SLC39A11: variants seen among roughly 807,000 people sequenced by gnomAD.
SLC39A11 encodes the protein zinc transporter ZIP11.
SLC39A11 carries 33 observed loss-of-function variants against 36.1 expected under a neutral mutation model. The observed-to-expected ratio is 0.91, with a 90% CI of 0.69 to 1.22. The LOEUF is 1.22. Among genes scored for constraint, SLC39A11 ranks in the 50% most tolerant of loss-of-function variants. The probability of loss-of-function intolerance (pLI) is 0.00; values close to 1 mark genes in which losing one functional copy is unlikely to be tolerated. For synonymous variants in SLC39A11, 166 were observed against 170.3 expected (o/e 0.97, Z 0.20); for missense variants, 432 against 430.3 (o/e 1.00, Z -0.03).
chr17:72,792,119 A>C (rs1376543357), intron 6 of SLC39A11, among the ~76,000 whole-genome samples: 1 of 152,186 alleles, frequency 6.6e-6, no homozygotes, highest in African/African-American at 2.4e-5. Flanking sequence ...AATAGTATGA[A>C]AATAGTGTGA....
At chr17:72,908,696 T>G (rs777064481) in intron 5 of SLC39A11, among the ~76,000 whole-genome samples, 1 of 152,176 alleles carries the variant, frequency 6.6e-6, no homozygotes. Flanking sequence ...GCTAGGTGCA[T>G]GCCAAATACC....
intron 7 of SLC39A11, among the ~76,000 whole-genome samples, chr17:72,672,054 C>G (rs992609042): frequency 1.3e-5 from 2 of 152,128 alleles, no homozygotes; most frequent in South Asian, 4.1e-4. Flanking sequence ...CAAACACACA[C>G]ACACACAGAT....
intron 4 of SLC39A11, among the ~76,000 whole-genome samples, chr17:72,997,948 G>A (rs531650695): frequency 3.3e-4 from 50 of 152,304 alleles, no homozygotes; most frequent in Non-Finnish European, 6.0e-4. Flanking sequence ...AGATGAAAAG[G>A]TAAAAGTTCT....
intron 5 of SLC39A11, among the ~76,000 whole-genome samples, chr17:72,944,962 G>A (rs1296231245): frequency 2.6e-5 from 4 of 152,166 alleles, no homozygotes; most frequent in African/African-American, 7.2e-5. Context: ...GGGGGGACTA[G>A]ACCATAAGGG....
intron 7 of SLC39A11, among the ~76,000 whole-genome samples, chr17:72,689,814 G>A (rs2071936588): frequency 6.6e-6 from 1 of 152,234 alleles, no homozygotes; most frequent in African/African-American, 2.4e-5. Context: ...CAGGGTGGCT[G>A]CTTATGGGTA....
chr17:72,933,967 T>A (rs6501585), intron 5 of SLC39A11, among the ~76,000 whole-genome samples: 85,928 of 151,550 alleles, frequency 0.57, 26,730 homozygotes, highest in African/African-American at 0.84. Context: ...AAGCGAAAGG[T>A]TAATTCAATG....
At chr17:72,773,840 CCACAGACAAGGAGGAACAGGGG>C (rs2076040843) in intron 6 of SLC39A11, among the ~76,000 whole-genome samples, 1 of 152,110 alleles carries the variant, frequency 6.6e-6, no homozygotes, top group African/African-American at 2.4e-5. Context: ...TCAGGCTTAG[CCACAGACAAGGAGGAACAGGGG>C]CTGAAGCGCG....
At chr17:72,909,975 A>T (rs1179035966) in intron 5 of SLC39A11, among the ~76,000 whole-genome samples, 1 of 151,054 alleles carries the variant, frequency 6.6e-6, no homozygotes, top group Non-Finnish European at 1.5e-5. Flanking sequence ...GATGGTCTCG[A>T]TCTCCTCACC....
At chr17:72,749,357 C>T (rs906134501) in intron 6 of SLC39A11, among the ~76,000 whole-genome samples, 1 of 152,164 alleles carries the variant, frequency 6.6e-6, no homozygotes, top group Non-Finnish European at 1.5e-5. Context: ...GCTTCCTCTC[C>T]CTACGTCCAA....
intron 4 of SLC39A11, among the ~76,000 whole-genome samples, chr17:72,951,258 T>A (rs2085841178): frequency 1.5e-5 from 1 of 68,726 alleles, no homozygotes; most frequent in African/African-American, 5.6e-5. Flanking sequence ...AGTGACCCTG[T>A]TGCAAAAAAA....
chr17:73,059,458 G>A (rs2059770513), intron 3 of SLC39A11, among the ~76,000 whole-genome samples: 1 of 152,110 alleles, frequency 6.6e-6, no homozygotes, highest in Admixed American at 6.6e-5. Context: ...CCTGAGGTCA[G>A]GAGTTCGAGA....
intron 4 of SLC39A11, among the ~76,000 whole-genome samples, chr17:72,975,698 G>C (rs1409387276): frequency 6.6e-6 from 1 of 152,184 alleles, no homozygotes; most frequent in African/African-American, 2.4e-5. Flanking sequence ...TAAGACAGTA[G>C]GGTATCAGTT....
chr17:72,649,129 G>GAA (rs776530179), intron 8 of SLC39A11, 41 bp downstream of exon 8: 1 of 1,590,012 alleles, frequency 6.3e-7, no homozygotes, highest in Non-Finnish European at 8.6e-7. Context: ...AGCCCACATG[G>GAA]AGGATGCTGT....
chr17:72,944,112 T>A (rs2085280569), intron 5 of SLC39A11, among the ~76,000 whole-genome samples: 1 of 152,128 alleles, frequency 6.6e-6, no homozygotes, highest in Non-Finnish European at 1.5e-5. Context: ...CTTATGCTTA[T>A]AAAACCCAAC....
chr17:72,759,238 T>C (rs1435501048), intron 6 of SLC39A11, among the ~76,000 whole-genome samples: 1 of 151,948 alleles, frequency 6.6e-6, no homozygotes, highest in African/African-American at 2.4e-5. Context: ...ACCAAATAAA[T>C]GTTTTTTTGT....
At chr17:72,923,146 A>T (rs1210750684) in intron 5 of SLC39A11, among the ~76,000 whole-genome samples, 1 of 152,004 alleles carries the variant, frequency 6.6e-6, no homozygotes, top group Non-Finnish European at 1.5e-5. Context: ...AGCTGTTTAC[A>T]ATTACTCAAT....
Position 73,088,681 on chromosome 17 carries a change from G to A in SLC39A11, c.84C>T (p.Leu28=), listed in dbSNP as rs751943482. 2.5e-5 allele frequency: 40 copies of A among 1,612,452 alleles called. No homozygotes were observed. Among genetic ancestry groups the A allele is most frequent in the South Asian group, 1.8e-4 (16 of 90,634 alleles). The change falls in exon 2 of 10, where the codon CTC becomes CTT. Residue 28 remains leucine, a synonymous_variant. Transcript: ENST00000255559. The stretch of plus-strand genomic sequence containing the variant: ...CCTGTCCACTAGAGAATACGAACAC[G>A]AGAGCTGCCCCAGCTGCTGTCATCC... ...TWGMTAAGAA[L]VFVFSSGQRR...
At chr17:72,917,646 G>A (rs1450534319) in intron 5 of SLC39A11, among the ~76,000 whole-genome samples, 1 of 152,136 alleles carries the variant, frequency 6.6e-6, no homozygotes, top group Admixed American at 6.5e-5. Flanking sequence ...ATTTAACTAG[G>A]GCCCTTGTGA....
intron 4 of SLC39A11, among the ~76,000 whole-genome samples, chr17:72,967,417 T>TGTGTGTGTG: frequency 3.2e-5 from 4 of 123,940 alleles, no homozygotes; most frequent in African/African-American, 7.9e-5. Context: ...TGTGTGTGTG[T>TGTGTGTGTG]TTTCCTTTTA....
Sources: allele counts gnomAD v4.1 joint callset (sites outside exome capture counted in the v4.1 genomes callset), GRCh38; gene constraint gnomAD v4.1.1; transcripts MANE v1.5; gene names NCBI Gene and HGNC (gene_info 2026-07-23, HGNC 2026-07-21).